HECW2: variants seen among roughly 807,000 people sequenced by gnomAD.
The protein encoded by HECW2 is HECT, C2 and WW domain containing E3 ubiquitin protein ligase 2, also known as E3 ubiquitin-protein ligase HECW2.
HECW2 carries 61 observed loss-of-function variants against 175.2 expected under a neutral mutation model. That is an observed-to-expected ratio of 0.35 (90% CI 0.28 to 0.43). The LOEUF (loss-of-function observed/expected upper bound fraction) is 0.43, where lower values mean the gene tolerates loss of function less well. Ranked by LOEUF, HECW2 falls within the 20% of genes least tolerant of loss-of-function variation. HECW2 has a pLI of 1.00. For missense variants in HECW2, 1,524 were observed against 2,000.5 expected, an observed-to-expected ratio of 0.76 and a Z score of 4.54; for synonymous variants, 671 against 731.0, an observed-to-expected ratio of 0.92 and a Z score of 1.32.
chr2:196,451,626 G>A (rs1204488050), intron 1 of HECW2, among the ~76,000 whole-genome samples: 4 of 151,902 alleles, frequency 2.6e-5, no homozygotes, highest in Non-Finnish European at 4.4e-5. Context: ...ATGGTTGGGC[G>A]CAGTGGCTCA....
intron 1 of HECW2, among the ~76,000 whole-genome samples, chr2:196,572,049 G>A (rs1473102387): frequency 6.6e-6 from 1 of 152,220 alleles, no homozygotes; most frequent in African/African-American, 2.4e-5. Context: ...AATACTGTAT[G>A]AGTCCACTTA....
intron 2 of HECW2, among the ~76,000 whole-genome samples, chr2:196,427,308 A>C (rs903587398): frequency 9.7e-5 from 3 of 31,040 alleles, no homozygotes; most frequent in African/African-American, 1.4e-4. Context: ...TCGTTATGCA[A>C]AATTAAAAAA....
At chr2:196,469,114 T>TGTGTGC (rs1242650554) in intron 1 of HECW2, among the ~76,000 whole-genome samples, 1 of 88,796 alleles carries the variant, frequency 1.1e-5, no homozygotes, top group African/African-American at 3.7e-5. Flanking sequence ...TGTGTGTGTG[T>TGTGTGC]GTGTGCGTGT....
chr2:196,505,021 T>C (rs1020491743), intron 1 of HECW2, among the ~76,000 whole-genome samples: 4 of 152,190 alleles, frequency 2.6e-5, no homozygotes, highest in Non-Finnish European at 4.4e-5. Context: ...CATTCCACTG[T>C]ATTAGTTTCC....
chr2:196,352,093 G>A (rs1335319045), intron 2 of HECW2, among the ~76,000 whole-genome samples: 1 of 152,136 alleles, frequency 6.6e-6, no homozygotes, highest in Non-Finnish European at 1.5e-5. Context: ...AGAATTCACT[G>A]GCAAACTTCC....
intron 28 of HECW2, among the ~76,000 whole-genome samples, chr2:196,204,672 G>C (rs1281688933): frequency 1.3e-5 from 2 of 152,190 alleles, no homozygotes; most frequent in African/African-American, 4.8e-5. Flanking sequence ...TCATAAATGT[G>C]TGTTGTTTTA....
intron 1 of HECW2, among the ~76,000 whole-genome samples, chr2:196,455,239 G>A (rs937688900): frequency 2.0e-5 from 3 of 152,092 alleles, no homozygotes; most frequent in Admixed American, 2.0e-4. Flanking sequence ...TCACCATGTT[G>A]GCCAGGATGG....
intron 1 of HECW2, among the ~76,000 whole-genome samples, chr2:196,451,431 CAAAAAAAAA>C (rs1383013336): frequency 1.5e-5 from 1 of 65,924 alleles, no homozygotes; most frequent in Non-Finnish European, 3.2e-5. Context: ...GACTCCGTCT[CAAAAAAAAA>C]AAAAAAAAAG....
chr2:196,283,377 C>CTT (rs745802743), intron 14 of HECW2, among the ~76,000 whole-genome samples: 4 of 135,530 alleles, frequency 3.0e-5, no homozygotes, highest in African/African-American at 5.4e-5. Flanking sequence ...AGAGAATACA[C>CTT]TTTTTTTTTT....
intron 3 of HECW2, among the ~76,000 whole-genome samples, chr2:196,337,705 T>C (rs910127161): frequency 4.6e-5 from 7 of 151,470 alleles, no homozygotes; most frequent in Non-Finnish European, 1.0e-4. Flanking sequence ...AAAGAGTATT[T>C]TGAATTCACT....
At chr2:196,582,363 C>T (rs1208591400) in intron 1 of HECW2, among the ~76,000 whole-genome samples, 1 of 152,166 alleles carries the variant, frequency 6.6e-6, no homozygotes, top group Non-Finnish European at 1.5e-5. Context: ...AGCATCCTTG[C>T]CCTGACTGCC....
chr2:196,404,254 G>A lies in HECW2; in HGVS notation c.292+28878C>T, dbSNP rs6741423. 6.5e-3 allele frequency among the ~76,000 whole-genome samples: 982 copies of A among 152,248 alleles called. 12 individuals carry two copies. The highest frequency in any genetic ancestry group is 0.022 in the African/African-American group (926 of 41,546). The stretch of plus-strand genomic sequence containing the variant: ...TTACATGAACTTTAATAGTTAAAAA[G>A]CATAATTCTCCCTATGATTTGCCCC... On this transcript the variant is annotated intron_variant, in intron 2 of 28. Coordinates refer to ENST00000644978, the MANE Select transcript of HECW2 (RefSeq NM_001348768.2).
At chr2:196,295,195 A>C (rs535526866) in intron 13 of HECW2, among the ~76,000 whole-genome samples, 2 of 152,304 alleles carry the variant, frequency 1.3e-5, no homozygotes, top group Admixed American at 1.3e-4. Context: ...CAATGCAGGC[A>C]GGCCTATGCA....
chr2:196,349,479 G>C (rs1032105321), intron 2 of HECW2, among the ~76,000 whole-genome samples: 1 of 151,954 alleles, frequency 6.6e-6, no homozygotes, highest in Non-Finnish European at 1.5e-5. Flanking sequence ...TCTCTTACAA[G>C]TCTAGTTGGC....
At chr2:196,292,886 A>T (rs1264390064) in intron 13 of HECW2, 136 bp from the exon 14 acceptor site, 1 of 636,504 alleles carries the variant, frequency 1.6e-6, no homozygotes, top group Non-Finnish European at 2.6e-6. Flanking sequence ...CTCTAGACCC[A>T]TGTATGGAAA....
chr2:196,565,124 T>C (rs1009149830), intron 1 of HECW2, among the ~76,000 whole-genome samples: 2 of 152,110 alleles, frequency 1.3e-5, no homozygotes, highest in Non-Finnish European at 2.9e-5. Context: ...ACTTAACTAA[T>C]TGCAAGGCCA....
intron 14 of HECW2, chr2:196,290,051 T>C (rs1328260509): frequency 6.6e-6 from 1 of 152,222 alleles, no homozygotes; most frequent in Non-Finnish European, 1.5e-5. Flanking sequence ...TGCCTGTTAA[T>C]CTGTCTTGTC....
At chr2:196,266,141 T>A (rs1689503708) in intron 17 of HECW2, among the ~76,000 whole-genome samples, 1 of 146,372 alleles carries the variant, frequency 6.8e-6, no homozygotes, top group African/African-American at 2.5e-5. Flanking sequence ...AATGAACCTG[T>A]ACAACATAGC....
chr2:196,339,635 C>T (rs552454218), intron 3 of HECW2, among the ~76,000 whole-genome samples: 1 of 152,198 alleles, frequency 6.6e-6, no homozygotes, highest in African/African-American at 2.4e-5. Context: ...GAAGGAAGAA[C>T]AGAAAGCAAA....
Sources: gnomAD v4.1 joint callset for allele counts (sites outside exome capture counted in the v4.1 genomes callset) on GRCh38, gnomAD v4.1.1 for gene constraint, MANE v1.5 for transcripts, NCBI Gene and HGNC (gene_info 2026-07-23, HGNC 2026-07-21) for gene names.